TAFA5: variants seen among roughly 807,000 people sequenced by gnomAD.
The protein encoded by TAFA5 is TAFA chemokine like family member 5, also known as chemokine-like protein TAFA-5.
A neutral mutation model predicts 15.3 loss-of-function variants in TAFA5; 6 were observed. The observed-to-expected ratio is 0.39, with a 90% CI of 0.21 to 0.77. The LOEUF is 0.77. Among genes scored for constraint, TAFA5 ranks in the 30% least tolerant of loss-of-function variants. The probability of loss-of-function intolerance (pLI) is 0.41; values close to 1 mark genes in which losing one functional copy is unlikely to be tolerated. For missense variants in TAFA5, 161 were observed against 193.1 expected, an observed-to-expected ratio of 0.83 and a Z score of 0.98; for synonymous variants, 103 against 80.7, an observed-to-expected ratio of 1.28 and a Z score of -1.48.
intron 1 of TAFA5, among the ~76,000 whole-genome samples, chr22:48,575,248 G>A (rs1386670248): frequency 1.3e-5 from 2 of 152,086 alleles, no homozygotes; most frequent in Non-Finnish European, 2.9e-5. Flanking sequence ...GCGCACCTAG[G>A]TGGAGCCCGA....
At chr22:48,541,168 C>A (rs992580307) in intron 1 of TAFA5, among the ~76,000 whole-genome samples, 2 of 152,106 alleles carry the variant, frequency 1.3e-5, no homozygotes, top group African/African-American at 4.8e-5. Context: ...ACACCAGGAC[C>A]CTGTCCTCCC....
At chr22:48,600,932 C>T (rs1924946887) in intron 1 of TAFA5, among the ~76,000 whole-genome samples, 1 of 152,126 alleles carries the variant, frequency 6.6e-6, no homozygotes, top group Admixed American at 6.5e-5. Context: ...ACGGTGCCCA[C>T]GTCATTCCCC....
intron 1 of TAFA5, chr22:48,547,499 G>A (rs1922716778): frequency 6.6e-6 from 1 of 152,254 alleles, no homozygotes; most frequent in Non-Finnish European, 1.5e-5. Flanking sequence ...TGAGAGATGG[G>A]GGAGACGGGC....
chr22:48,576,464 C>T, intron 1 of TAFA5: 1 of 1,413,986 alleles, frequency 7.1e-7, no homozygotes, highest in Non-Finnish European at 9.4e-7. Flanking sequence ...GGGCGTCGGC[C>T]GAGTTGGGAC....
intron 1 of TAFA5, among the ~76,000 whole-genome samples, chr22:48,596,609 C>T (rs1349190370): frequency 1.3e-5 from 2 of 152,088 alleles, no homozygotes; most frequent in African/African-American, 2.4e-5. Context: ...ATGAGGGAGG[C>T]GCGTGAGTGA....
At chr22:48,640,544 C>T (rs1264245335) in intron 1 of TAFA5, among the ~76,000 whole-genome samples, 3 of 151,856 alleles carry the variant, frequency 2.0e-5, no homozygotes, top group Non-Finnish European at 4.4e-5. Context: ...GCTGGGTGGG[C>T]AGGGCAGGGC....
intron 1 of TAFA5, among the ~76,000 whole-genome samples, chr22:48,579,849 A>C (rs1448235723): frequency 2.0e-5 from 3 of 152,200 alleles, no homozygotes; most frequent in Non-Finnish European, 2.9e-5. Context: ...TTTGGCACCC[A>C]AAGGGACATG....
intron 1 of TAFA5, among the ~76,000 whole-genome samples, chr22:48,645,888 G>T (rs538304968): frequency 3.9e-5 from 6 of 152,192 alleles, no homozygotes; most frequent in Non-Finnish European, 5.9e-5. Context: ...CACTCCAGGG[G>T]TGTGTTGCGT....
At chr22:48,628,399 C>T (rs1049939285) in intron 1 of TAFA5, among the ~76,000 whole-genome samples, 1 of 152,202 alleles carries the variant, frequency 6.6e-6, no homozygotes, top group Non-Finnish European at 1.5e-5. Flanking sequence ...TTCTGCCCTC[C>T]CCTGCTGGGG....
At chr22:48,497,113 C>T (rs1928356064) in intron 1 of TAFA5, among the ~76,000 whole-genome samples, 2 of 152,192 alleles carry the variant, frequency 1.3e-5, no homozygotes, top group Admixed American at 6.5e-5. Flanking sequence ...CCACTCCCCA[C>T]GGGCTCGGGG....
chr22:48,506,197 C>T (rs1410668981), intron 1 of TAFA5, among the ~76,000 whole-genome samples: 2 of 152,226 alleles, frequency 1.3e-5, no homozygotes, highest in African/African-American at 2.4e-5. Flanking sequence ...CTTGTTCACC[C>T]CTGGTCTCCA....
At chr22:48,613,279 C>G (rs889488294) in intron 1 of TAFA5, among the ~76,000 whole-genome samples, 10 of 152,170 alleles carry the variant, frequency 6.6e-5, no homozygotes, top group Non-Finnish European at 1.3e-4. Flanking sequence ...AGTCTGGTCC[C>G]TTACGTCTCT....
rs545779365 is a variant in TAFA5 at position 48,522,431 on chromosome 22, G to T, written c.112+32727G>T. 2.1e-3 allele frequency among the ~76,000 whole-genome samples: 327 copies of T among 152,240 alleles called. 1 individual carries two copies. The highest frequency in any genetic ancestry group is 7.3e-3 in the African/African-American group (305 of 41,532). The stretch of plus-strand genomic sequence containing the variant: ...CTGGCACCGGCGGCCCCAGGGCTTG[G>T]CTCTGTCCTTAGAGTCTCCCTCCCT... On this transcript the variant is annotated intron_variant, in intron 1 of 3. Transcript: ENST00000402357.
intron 2 of TAFA5, among the ~76,000 whole-genome samples, chr22:48,692,473 A>G (rs531490346): frequency 6.6e-6 from 1 of 152,344 alleles, no homozygotes; most frequent in East Asian, 1.9e-4. Context: ...CGTGTTGCCC[A>G]GGCTGGTCTC....
chr22:48,581,814 C>G (rs1026181468), intron 1 of TAFA5, among the ~76,000 whole-genome samples: 8 of 152,188 alleles, frequency 5.3e-5, no homozygotes, highest in Admixed American at 5.2e-4. Flanking sequence ...TAAAATACAG[C>G]CCCTTCGTTA....
At chr22:48,563,930 GTCC>G (rs1271307625) in intron 1 of TAFA5, among the ~76,000 whole-genome samples, 1 of 152,204 alleles carries the variant, frequency 6.6e-6, no homozygotes, top group Non-Finnish European at 1.5e-5. Context: ...GGGCATCCTT[GTCC>G]TTCCTGAAAC....
chr22:48,579,550 C>G (rs187717122), intron 1 of TAFA5, among the ~76,000 whole-genome samples: 1 of 152,188 alleles, frequency 6.6e-6, no homozygotes, highest in East Asian at 1.9e-4. Flanking sequence ...CACGGAGACG[C>G]GAGAGGGAAG....
intron 2 of TAFA5, among the ~76,000 whole-genome samples, chr22:48,704,026 C>T (rs1328053919): frequency 6.6e-6 from 1 of 152,190 alleles, no homozygotes; most frequent in Non-Finnish European, 1.5e-5. Context: ...TTTCTGAGGC[C>T]CCGTTCAGCT....
intron 1 of TAFA5, among the ~76,000 whole-genome samples, chr22:48,608,933 T>C (rs749294744): frequency 2.0e-5 from 3 of 152,244 alleles, no homozygotes; most frequent in Non-Finnish European, 4.4e-5. Flanking sequence ...CTGTCCGCAG[T>C]ATCTGATGGA....
Sources: gnomAD v4.1 joint callset for allele counts (sites outside exome capture counted in the v4.1 genomes callset) on GRCh38, gnomAD v4.1.1 for gene constraint, MANE v1.5 for transcripts, NCBI Gene and HGNC (gene_info 2026-07-23, HGNC 2026-07-21) for gene names.